Variants in PACS1 observed in about 807,000 individuals in gnomAD.
The protein encoded by PACS1 is phosphofurin acidic cluster sorting protein 1, also known as PACS-1.
Under a neutral mutation model 115.0 loss-of-function variants are expected in PACS1, and 24 were observed. The ratio of observed to expected loss-of-function variants is 0.21; its 90% confidence interval spans 0.15 to 0.29. PACS1 has a LOEUF of 0.29. Ranked by LOEUF, PACS1 falls within the 10% of genes least tolerant of loss-of-function variation. The pLI is 1.00. For missense variants in PACS1, 838 were observed against 1,251.2 expected (o/e 0.67, Z 4.98); for synonymous variants, 453 against 504.5 (o/e 0.90, Z 1.37).
At chr11:66,174,506 A>G (rs192062552) in intron 1 of PACS1, among the ~76,000 whole-genome samples, 1 of 152,364 alleles carries the variant, frequency 6.6e-6, no homozygotes, top group African/African-American at 2.4e-5. Context: ...TAAAACTAAA[A>G]AGTGGAAACC....
chr11:66,205,325 A>G (rs926869995), intron 2 of PACS1, among the ~76,000 whole-genome samples: 1 of 150,522 alleles, frequency 6.6e-6, no homozygotes, highest in Non-Finnish European at 1.5e-5. Context: ...TTAATGTTTT[A>G]AAGATCTGAT....
intron 1 of PACS1, among the ~76,000 whole-genome samples, chr11:66,106,048 T>G (rs1858031332): frequency 6.6e-6 from 1 of 152,206 alleles, no homozygotes; most frequent in Non-Finnish European, 1.5e-5. Flanking sequence ...CACAGTGTCA[T>G]GTAAAGAGGC....
intron 1 of PACS1, among the ~76,000 whole-genome samples, chr11:66,100,164 G>A (rs538423991): frequency 1.3e-5 from 2 of 152,308 alleles, no homozygotes; most frequent in African/African-American, 4.8e-5. Flanking sequence ...ACAGGCGTGG[G>A]CCACCACGCC....
chr11:66,126,645 A>G (rs934743376), intron 1 of PACS1, among the ~76,000 whole-genome samples: 9 of 130,198 alleles, frequency 6.9e-5, no homozygotes, highest in Non-Finnish European at 1.4e-4. Flanking sequence ...ACCATTGGGA[A>G]TTTTGAGAAT....
chr11:66,221,065 C>T (rs1565152786), intron 9 of PACS1, 89 bp from the exon 10 acceptor site: 2 of 1,283,760 alleles, frequency 1.6e-6, no homozygotes, highest in African/African-American at 2.9e-5. Context: ...AGCTTGTTGA[C>T]CCACCCTGAA....
chr11:66,222,163 G>A lies in PACS1; in HGVS notation c.1293+916G>A, dbSNP rs189065409. Among the ~76,000 whole-genome samples, 16 of 152,252 alleles carry A rather than the reference G, an allele frequency of 1.1e-4. No individual in the cohort carries two copies. The East Asian group carries it at 2.5e-3, about 24-fold the overall frequency. On this transcript the variant is annotated intron_variant, in intron 10 of 23. Coordinates refer to ENST00000320580, the MANE Select transcript of PACS1 (RefSeq NM_018026.4). ...CGTGTCTGTTCTGTGGTAGCTGAGA[G>A]TGTGGCATGGAGTGGGCGTTTGGCC...
intron 1 of PACS1, among the ~76,000 whole-genome samples, chr11:66,086,701 C>T (rs543583603): frequency 1.3e-5 from 2 of 152,222 alleles, no homozygotes; most frequent in South Asian, 2.1e-4. Context: ...TGGCAACCTC[C>T]GCCTCCCAGG....
chr11:66,070,560 T>C lies in PACS1; in HGVS notation c.74T>C (p.Val25Ala). 6.9e-7 allele frequency: 1 copy of C among 1,441,936 alleles called. No individual in the cohort carries two copies. Among genetic ancestry groups the C allele is most frequent in the Non-Finnish European group, 9.1e-7 (1 of 1,103,914 alleles). 89.3% of individuals were successfully genotyped at this position (1,441,936 alleles called of 1,614,324 possible). ...GGCAGCGGCCAGCGGGGATCCGGGG[T>C]CGCCCAGTCCCCTCAGCAGCCGCCG... ...GGGSGQRGSGVAQSPQQPPPQ... is the reference protein window; with the variant it reads ...GGGSGQRGSGAAQSPQQPPPQ... The change falls in exon 1 of 24, where the codon GTC becomes GCC. Residue 25 changes from valine (V) to alanine (A), a missense_variant. Val to Ala is a moderately conservative substitution (Grantham distance 64, BLOSUM62 0). Coordinates refer to ENST00000320580, the MANE Select transcript of PACS1 (RefSeq NM_018026.4). This position sits in a 1 kb window ranked among gnomAD's most constrained non-coding sequence, Gnocchi z 5.9.
At chr11:66,205,093 T>C (rs1219391344) in intron 2 of PACS1, among the ~76,000 whole-genome samples, 1 of 152,092 alleles carries the variant, frequency 6.6e-6, no homozygotes, top group Non-Finnish European at 1.5e-5. Context: ...CAAGCGATTC[T>C]CCTACCTCAG....
Position 66,243,305 on chromosome 11 carries a change from C to T in PACS1, c.*25C>T. 6.8e-7 allele frequency: 1 copy of T among 1,476,514 alleles called. No individual in the cohort carries two copies. The highest frequency in any genetic ancestry group is 2.0e-4 in the Middle Eastern group (1 of 4,994). The allele number at this position is 1,476,514 out of a possible 1,614,324, so 91.5% of individuals were successfully genotyped here. A position where few individuals can be genotyped will look rare whatever the true frequency, so the allele number is the denominator to read the frequency against. On this transcript the variant is annotated 3_prime_UTR_variant, in exon 24 of 24. Transcript: ENST00000320580. ...AGGCCCTGTCTCCCAGCCACTTTCCCTCCTGGCACTGCCACCAGCCTCACC... is the reference window on the plus strand; with the variant it reads ...AGGCCCTGTCTCCCAGCCACTTTCCTTCCTGGCACTGCCACCAGCCTCACC...
chr11:66,080,072 A>C, intron 1 of PACS1, among the ~76,000 whole-genome samples: 1 of 152,228 alleles, frequency 6.6e-6, no homozygotes. Flanking sequence ...ACTCGCCATT[A>C]CTGGAAATAA....
At chr11:66,190,289 G>T (rs769766205) in intron 1 of PACS1, among the ~76,000 whole-genome samples, 1 of 152,090 alleles carries the variant, frequency 6.6e-6, no homozygotes, top group Non-Finnish European at 1.5e-5. Flanking sequence ...GAGGACGAAC[G>T]TTGGGCATAT....
chr11:66,134,481 C>A (rs910685082), intron 1 of PACS1, among the ~76,000 whole-genome samples: 1 of 151,784 alleles, frequency 6.6e-6, no homozygotes, highest in Non-Finnish European at 1.5e-5. Flanking sequence ...CTTCTAGGAT[C>A]CAAATGACAC....
In PACS1 at chr11:66,230,621, T is replaced by C. The variant is rs1024829954; in HGVS notation, c.1448T>C (p.Met483Thr). ...LVVPEKVKTP[M>T]KSSKTDLQGS... ...GTGCCGGAGAAAGTCAAAACTCCCATGAAGTCCAGTAAAACGGATCTCCAG... is the reference window on the plus strand; with the variant it reads ...GTGCCGGAGAAAGTCAAAACTCCCACGAAGTCCAGTAAAACGGATCTCCAG... Residue 483 changes from methionine (M) to threonine (T), a missense_variant, in exon 12 of 24, where the codon ATG becomes ACG. By Grantham distance (81) the Met-to-Thr change is moderately conservative (BLOSUM62 -1). This residue lies in a region of PACS1 where 383 missense variants were observed against 537.0 expected (regional missense o/e 0.71). Coordinates refer to ENST00000320580, the MANE Select transcript of PACS1 (RefSeq NM_018026.4). 4 of 1,613,970 alleles carry C rather than the reference T, an allele frequency of 2.5e-6. No individual in the cohort carries two copies. Among genetic ancestry groups the C allele is most frequent in the Non-Finnish European group, 3.4e-6 (4 of 1,179,988 alleles).
chr11:66,135,659 CTTT>C (rs35040826), intron 1 of PACS1, among the ~76,000 whole-genome samples: 1 of 138,318 alleles, frequency 7.2e-6, no homozygotes, highest in African/African-American at 2.7e-5. Context: ...CTCTCCTGCG[CTTT>C]TTTTTTTTTT....
At chr11:66,094,360 G>A (rs1857729623) in intron 1 of PACS1, among the ~76,000 whole-genome samples, 1 of 149,824 alleles carries the variant, frequency 6.7e-6, no homozygotes, top group African/African-American at 2.5e-5. Flanking sequence ...ATGATAAAGG[G>A]GATATCACCA....
At chr11:66,142,180 A>G (rs1565122681) in intron 1 of PACS1, among the ~76,000 whole-genome samples, 1 of 152,136 alleles carries the variant, frequency 6.6e-6, no homozygotes, top group African/African-American at 2.4e-5. Context: ...CCCGGCTCCC[A>G]GAGTGCTGGG....
At chr11:66,208,945 AT>A (rs1855008261) in intron 2 of PACS1, among the ~76,000 whole-genome samples, 1 of 152,046 alleles carries the variant, frequency 6.6e-6, no homozygotes, top group African/African-American at 2.4e-5. Context: ...GGTTTTTTTT[AT>A]TGGTATTAAT....
At chr11:66,073,144 C>T (rs1232642273) in intron 1 of PACS1, among the ~76,000 whole-genome samples, 1 of 152,218 alleles carries the variant, frequency 6.6e-6, no homozygotes, top group Non-Finnish European at 1.5e-5. Flanking sequence ...CACCCTTGTA[C>T]CTCCTCACTC....
Sources: gnomAD v4.1 joint callset for allele counts (sites outside exome capture counted in the v4.1 genomes callset) on GRCh38, gnomAD v4.1.1 for gene constraint, gnomAD v4.1.1 regional missense constraint, Gnocchi (gnomAD v3.1) non-coding constraint, MANE v1.5 for transcripts, NCBI Gene and HGNC (gene_info 2026-07-23, HGNC 2026-07-21) for gene names.